Variants in PPARGC1A observed in about 807,000 individuals in gnomAD.
The protein encoded by PPARGC1A is peroxisome proliferator-activated receptor gamma coactivator 1-alpha.
In PPARGC1A, 25 loss-of-function variants were observed where a neutral mutation model predicts 88.7. The observed-to-expected ratio is 0.28, with a 90% CI of 0.21 to 0.39. The LOEUF is 0.39. Among genes scored for constraint, PPARGC1A ranks in the 10% least tolerant of loss-of-function variants. The probability of loss-of-function intolerance (pLI) is 1.00; values close to 1 mark genes in which losing one functional copy is unlikely to be tolerated. For missense variants in PPARGC1A, 880 were observed against 968.7 expected, an observed-to-expected ratio of 0.91 and a Z score of 1.22; for synonymous variants, 363 against 355.6, an observed-to-expected ratio of 1.02 and a Z score of -0.24.
chr4:24,429,960 G>A, the PPARGC1A span, among the ~76,000 whole-genome samples: 1 of 152,096 alleles, frequency 6.6e-6, no homozygotes, highest in African/African-American at 2.4e-5. Flanking sequence ...CTGACAGTGA[G>A]AATTTATCTG....
At chr4:24,064,728 A>T in the PPARGC1A span, among the ~76,000 whole-genome samples, 4 of 152,130 alleles carry the variant, frequency 2.6e-5, no homozygotes, top group Non-Finnish European at 4.4e-5. Context: ...TTTTTCATCT[A>T]CCTGAAGACA....
the PPARGC1A span, among the ~76,000 whole-genome samples, chr4:24,294,127 G>A: frequency 6.6e-6 from 1 of 152,130 alleles, no homozygotes; most frequent in Admixed American, 6.5e-5. Context: ...TCATACCAAA[G>A]CCGAGGCTTT....
At chr4:23,963,124 G>T in the PPARGC1A span, among the ~76,000 whole-genome samples, 2 of 152,098 alleles carry the variant, frequency 1.3e-5, no homozygotes, top group African/African-American at 2.4e-5. Context: ...TGGAGACCCC[G>T]TGAAAAAACC....
the PPARGC1A span, among the ~76,000 whole-genome samples, chr4:24,089,514 C>CTTTTCTTTTCTTTCT: frequency 2.6e-4 from 10 of 38,678 alleles, no homozygotes; most frequent in Non-Finnish European, 6.8e-4. Flanking sequence ...TCTTTTCTTT[C>CTTTTCTTTTCTTTCT]TTTTTTTTTT....
At chr4:24,210,285 A>T in the PPARGC1A span, among the ~76,000 whole-genome samples, 1 of 152,180 alleles carries the variant, frequency 6.6e-6, no homozygotes, top group East Asian at 1.9e-4. Context: ...TATAAATATA[A>T]AGTTGTTTTC....
At chr4:23,844,842 T>TATATATTATTATAATATATGAC (rs1727989240) in intron 2 of PPARGC1A, among the ~76,000 whole-genome samples, 1 of 122,582 alleles carries the variant, frequency 8.2e-6, no homozygotes, top group Admixed American at 1.1e-4. Context: ...TAATATATGA[T>TATATATTATTATAATATATGAC]ATATATTATT....
At chr4:23,879,179 T>C (rs1234776790) in intron 2 of PPARGC1A, among the ~76,000 whole-genome samples, 3 of 152,238 alleles carry the variant, frequency 2.0e-5, no homozygotes, top group Non-Finnish European at 4.4e-5. Context: ...TGAGGTTGTA[T>C]ATACATGCAT....
chr4:23,963,039 G>A, the PPARGC1A span, among the ~76,000 whole-genome samples: 2 of 152,256 alleles, frequency 1.3e-5, no homozygotes, highest in Non-Finnish European at 2.9e-5. Flanking sequence ...TTTTTGAATG[G>A]CAATTGCCAT....
the PPARGC1A span, among the ~76,000 whole-genome samples, chr4:24,168,381 C>T: frequency 6.6e-6 from 1 of 152,170 alleles, no homozygotes; most frequent in Non-Finnish European, 1.5e-5. Context: ...CACATCACAA[C>T]TTTGTCTCCT....
At chr4:24,053,982 A>C in the PPARGC1A span, among the ~76,000 whole-genome samples, 2 of 152,328 alleles carry the variant, frequency 1.3e-5, no homozygotes, top group Admixed American at 6.5e-5. Context: ...GAAGATATGA[A>C]AGGAGCAAGA....
chr4:24,387,923 AAAGAAAGAAAGAGAAAGAAAG>A, the PPARGC1A span, among the ~76,000 whole-genome samples: 1 of 9,152 alleles, frequency 1.1e-4, no homozygotes, highest in Non-Finnish European at 3.7e-4. Flanking sequence ...AGAAAGAAAG[AAAGAAAGAAAGAGAAAGAAAG>A]AAAGAAAGAA....
chr4:24,073,329 A>G, the PPARGC1A span, among the ~76,000 whole-genome samples: 1 of 152,184 alleles, frequency 6.6e-6, no homozygotes, highest in African/African-American at 2.4e-5. Flanking sequence ...GACATGAGCC[A>G]TCATGCCCAG....
the PPARGC1A span, among the ~76,000 whole-genome samples, chr4:24,064,051 G>A: frequency 3.9e-5 from 6 of 152,116 alleles, no homozygotes; most frequent in South Asian, 2.1e-4. Context: ...TGAACTGCCC[G>A]AGCAGCACCT....
the PPARGC1A span, among the ~76,000 whole-genome samples, chr4:24,279,956 A>G: frequency 6.6e-6 from 1 of 152,144 alleles, no homozygotes; most frequent in Admixed American, 6.5e-5. Context: ...TTTCCCTCTG[A>G]GAGCTATTAT....
At position 23,886,414 on chromosome 4, in the gene PPARGC1A, G is replaced by A. The variant is rs202123905; in HGVS notation, c.55-1483C>T. ...CGCTGAGAAGTAAGTACTGGGTAAT[G>A]GAGTCAGCAGTTGGTAAGGGGAGGA... On this transcript the variant is annotated intron_variant, in intron 1 of 12. Coordinates refer to ENST00000264867, the MANE Select transcript of PPARGC1A (RefSeq NM_013261.5). 6.6e-5 allele frequency among the ~76,000 whole-genome samples: 10 copies of A among 152,190 alleles called. No individual in the cohort carries two copies. In the East Asian group the frequency reaches 1.9e-3, roughly 29 times the overall value.
At chr4:24,016,838 T>A in the PPARGC1A span, among the ~76,000 whole-genome samples, 1 of 152,172 alleles carries the variant, frequency 6.6e-6, no homozygotes, top group South Asian at 2.1e-4. Context: ...ATATCAATGA[T>A]CTCAAATGAC....
At chr4:24,130,430 C>G in the PPARGC1A span, among the ~76,000 whole-genome samples, 9 of 152,176 alleles carry the variant, frequency 5.9e-5, no homozygotes, top group African/African-American at 2.2e-4. Context: ...CAGCCCATCA[C>G]ACTTTCAAAG....
At chr4:24,217,306 T>C in the PPARGC1A span, among the ~76,000 whole-genome samples, 4 of 152,278 alleles carry the variant, frequency 2.6e-5, no homozygotes, top group South Asian at 4.2e-4. Context: ...GGTTGAGCAA[T>C]TGTAGGAACC....
the PPARGC1A span, among the ~76,000 whole-genome samples, chr4:24,414,025 G>T: frequency 1.2e-4 from 19 of 152,212 alleles, no homozygotes; most frequent in East Asian, 3.3e-3. Context: ...ACGGTTGTCG[G>T]TCTCCAAAGC....
Sources: allele counts gnomAD v4.1 joint callset (sites outside exome capture counted in the v4.1 genomes callset), GRCh38; gene constraint gnomAD v4.1.1; transcripts MANE v1.5; gene names NCBI Gene and HGNC (gene_info 2026-07-23, HGNC 2026-07-21).